The following COBLL1 variants were observed in gnomAD, a reference collection of about 807,000 sequenced individuals.
COBLL1 encodes cordon-bleu protein-like 1.
In COBLL1, 50 loss-of-function variants were observed where a neutral mutation model predicts 94.8. That is an observed-to-expected ratio of 0.53 (90% CI 0.42 to 0.67). The LOEUF is 0.67. COBLL1 is among the 30% of genes least tolerant of loss of function. COBLL1 has a pLI of 0.00. For missense variants in COBLL1, 1,362 were observed against 1,348.7 expected, an observed-to-expected ratio of 1.01 and a Z score of -0.15; for synonymous variants, 448 against 473.8, an observed-to-expected ratio of 0.95 and a Z score of 0.71.
intron 2 of COBLL1, among the ~76,000 whole-genome samples, chr2:164,765,923 AT>A (rs11456627): frequency 2.6e-5 from 4 of 151,806 alleles, no homozygotes; most frequent in African/African-American, 9.7e-5. Flanking sequence ...CAAGATCATA[AT>A]TTTTTTCTTT....
chr2:164,704,733 A>C (rs569752783), intron 8 of COBLL1, among the ~76,000 whole-genome samples: 53 of 152,148 alleles, frequency 3.5e-4, no homozygotes, highest in Admixed American at 3.4e-3. Flanking sequence ...TTCACAGATT[A>C]TGACATGCTC....
chr2:164,726,414 G>T (rs1384533652), intron 5 of COBLL1, among the ~76,000 whole-genome samples: 1 of 151,852 alleles, frequency 6.6e-6, no homozygotes, highest in East Asian at 1.9e-4. Flanking sequence ...GGTGAAAAAA[G>T]ACTTCCACAA....
intron 3 of COBLL1, among the ~76,000 whole-genome samples, chr2:164,742,078 G>A (rs1433096290): frequency 6.6e-6 from 1 of 152,076 alleles, no homozygotes; most frequent in Non-Finnish European, 1.5e-5. Context: ...TGAGGAAACA[G>A]AAGAAAAGTT....
chr2:164,763,863 C>A (rs926015413), intron 2 of COBLL1, among the ~76,000 whole-genome samples: 1 of 152,084 alleles, frequency 6.6e-6, no homozygotes, highest in Admixed American at 6.6e-5. Flanking sequence ...TAAAATTTTG[C>A]CTTTAAAGAT....
intron 7 of COBLL1, among the ~76,000 whole-genome samples, chr2:164,712,462 C>T (rs1213093118): frequency 1.3e-5 from 2 of 152,022 alleles, no homozygotes; most frequent in Non-Finnish European, 2.9e-5. Flanking sequence ...TCACATTATT[C>T]TTCTCCAACC....
chr2:164,707,437 G>A (rs1462838331), intron 7 of COBLL1, among the ~76,000 whole-genome samples: 4 of 151,944 alleles, frequency 2.6e-5, no homozygotes, highest in East Asian at 1.9e-4. Flanking sequence ...TACCATACCC[G>A]GTCAAATGTC....
intron 7 of COBLL1, among the ~76,000 whole-genome samples, chr2:164,714,536 C>A (rs1439404191): frequency 6.6e-6 from 1 of 151,998 alleles, no homozygotes; most frequent in Non-Finnish European, 1.5e-5. Context: ...TAGAAGTTAA[C>A]CGAGTTTAGG....
At chr2:164,801,236 G>A (rs916029512) in intron 2 of COBLL1, among the ~76,000 whole-genome samples, 1 of 151,302 alleles carries the variant, frequency 6.6e-6, no homozygotes. Flanking sequence ...TCAGGAGATC[G>A]AGACCATCCT....
chr2:164,682,486 G>A lies in COBLL1; in HGVS notation c.*3460C>T, dbSNP rs1318226845. 6.6e-6 allele frequency: 1 copy of A among 152,170 alleles called. No individual in the cohort carries two copies. The highest frequency in any genetic ancestry group is 1.5e-5 in the Non-Finnish European group (1 of 68,018). The allele number at this position is 152,170 out of a possible 1,614,324, so 9.4% of individuals were successfully genotyped here. A position where few individuals can be genotyped will look rare whatever the true frequency, so the allele number is the denominator to read the frequency against. ...AGCACCTATAAGTAACTAAGTCTCA[G>A]GACAAAGATTGGTCTCATTTCAAGG... On this transcript the variant is annotated 3_prime_UTR_variant, in exon 14 of 14. Transcript: ENST00000652658.
chr2:164,666,968 T>G (rs1691169153), intron 1 of COBLL1, among the ~76,000 whole-genome samples: 1 of 152,240 alleles, frequency 6.6e-6, no homozygotes, highest in African/African-American at 2.4e-5. Context: ...ACAAATGTTC[T>G]TAATGGCATC....
chr2:164,836,140 A>C (rs575856731), intron 2 of COBLL1, among the ~76,000 whole-genome samples: 1 of 152,246 alleles, frequency 6.6e-6, no homozygotes, highest in East Asian at 1.9e-4. Context: ...GTTATTCAGT[A>C]ATCAAAAATC....
intron 11 of COBLL1, chr2:164,696,839 C>G (rs1683972258): frequency 6.6e-6 from 1 of 152,242 alleles, no homozygotes; most frequent in African/African-American, 2.4e-5. Context: ...AATCATGCTT[C>G]CTGCACCATC....
At chr2:164,840,355 T>C (rs1000095999) in intron 2 of COBLL1, among the ~76,000 whole-genome samples, 3 of 152,112 alleles carry the variant, frequency 2.0e-5, no homozygotes, top group Admixed American at 2.0e-4. Flanking sequence ...GCATCCAGGT[T>C]ACTCCTGAAC....
intron 2 of COBLL1, among the ~76,000 whole-genome samples, chr2:164,782,376 C>G (rs900379864): frequency 1.3e-5 from 2 of 152,120 alleles, no homozygotes; most frequent in Non-Finnish European, 2.9e-5. Context: ...AAAAATTAGT[C>G]TAACAAACCG....
At chr2:164,742,906 T>G (rs1252370586) in intron 3 of COBLL1, among the ~76,000 whole-genome samples, 1 of 151,984 alleles carries the variant, frequency 6.6e-6, no homozygotes, top group Non-Finnish European at 1.5e-5. Flanking sequence ...CAGCTTAAAT[T>G]TCTAAAACAG....
chr2:164,784,656 T>G (rs547137814), intron 2 of COBLL1, among the ~76,000 whole-genome samples: 21 of 152,136 alleles, frequency 1.4e-4, no homozygotes, highest in Non-Finnish European at 2.5e-4. Flanking sequence ...CCCTGTCTTC[T>G]TTTCCCTAAG....
At position 164,728,160 on chromosome 2, in the gene COBLL1, T is replaced by C. The variant is rs775300815; in HGVS notation, c.470A>G (p.Gln157Arg). ...VRVVINFKKT[Q>R]KTIVRVSPHA... ...TGGACTCACTCTCACTATGGTCTTC[T>C]GTGTTTTCTTAAAATTAATCACTAC... The change falls in exon 5 of 14, where the codon CAG becomes CGG. Residue 157 changes from glutamine (Q) to arginine (R), a missense_variant. By Grantham distance (43) the Gln-to-Arg change is conservative (BLOSUM62 1). Coordinates refer to ENST00000652658, the MANE Select transcript of COBLL1 (RefSeq NM_001365672.2). The C allele has an allele frequency of 1.2e-6, 2 of 1,613,620 alleles. No individual in the cohort carries two copies. Among genetic ancestry groups the C allele is most frequent in the Admixed American group, 3.3e-5 (2 of 60,012 alleles).
chr2:164,749,898 C>G (rs984062536), intron 2 of COBLL1, among the ~76,000 whole-genome samples: 2 of 152,138 alleles, frequency 1.3e-5, no homozygotes, highest in Non-Finnish European at 2.9e-5. Context: ...CACAGCCACT[C>G]AAGTCCTCTG....
chr2:164,718,872 T>C (rs1293338272), intron 7 of COBLL1, among the ~76,000 whole-genome samples: 3 of 152,018 alleles, frequency 2.0e-5, no homozygotes, highest in Non-Finnish European at 4.4e-5. Flanking sequence ...TCAGCAACAA[T>C]AAGTCAAATC....
Sources: allele counts gnomAD v4.1 joint callset (sites outside exome capture counted in the v4.1 genomes callset), GRCh38; gene constraint gnomAD v4.1.1; transcripts MANE v1.5; gene names NCBI Gene and HGNC (gene_info 2026-07-23, HGNC 2026-07-21).